The following NCAM2 variants were observed in gnomAD, a reference collection of about 807,000 sequenced individuals.
NCAM2 encodes the protein neural cell adhesion molecule 2, also known as N-CAM-2.
Under a neutral mutation model 98.1 loss-of-function variants are expected in NCAM2, and 30 were observed. The ratio of observed to expected loss-of-function variants is 0.31; its 90% CI spans 0.23 to 0.41. The LOEUF (loss-of-function observed/expected upper bound fraction) is 0.41, where lower values mean the gene tolerates loss of function less well. NCAM2 is among the 10% of genes least tolerant of loss of function. NCAM2 has a pLI of 1.00. For missense variants in NCAM2, 867 were observed against 1,005.8 expected, an observed-to-expected ratio of 0.86 and a Z score of 1.87; for synonymous variants, 368 against 342.4, an observed-to-expected ratio of 1.07 and a Z score of -0.83.
chr21:21,043,533 A>G (rs2064946021), intron 1 of NCAM2, among the ~76,000 whole-genome samples: 1 of 151,820 alleles, frequency 6.6e-6, no homozygotes, highest in Admixed American at 6.5e-5. Flanking sequence ...TTATTTTTGA[A>G]GAAATAATAT....
chr21:21,082,654 G>C (rs534020732), intron 1 of NCAM2, among the ~76,000 whole-genome samples: 1 of 152,276 alleles, frequency 6.6e-6, no homozygotes, highest in South Asian at 2.1e-4. Flanking sequence ...AGGGTACTTT[G>C]GAGGTAACCT....
At chr21:21,153,038 G>C (rs775786863) in intron 1 of NCAM2, among the ~76,000 whole-genome samples, 3 of 151,798 alleles carry the variant, frequency 2.0e-5, no homozygotes, top group African/African-American at 7.3e-5. Flanking sequence ...CCTTCTCTCA[G>C]GGATTAATAT....
chr21:21,094,050 A>G (rs2066067959), intron 1 of NCAM2, among the ~76,000 whole-genome samples: 1 of 151,954 alleles, frequency 6.6e-6, no homozygotes, highest in African/African-American at 2.4e-5. Context: ...GGATATGTTC[A>G]TGTCCATGAG....
rs369406135 is a variant in NCAM2 at position 21,330,113 on chromosome 21, C to G, written c.738-5392C>G. On this transcript the variant is annotated intron_variant, in intron 6 of 17. Transcript: ENST00000400546. ...GTCAGTGAATCTGCTTTTGGCTTCA[C>G]TTATTTCTTTTTTGTTTCCTATTCT... Among the ~76,000 whole-genome samples, 7 of 151,986 alleles carry G rather than the reference C, an allele frequency of 4.6e-5. No individual in the cohort carries two copies. In the South Asian group the frequency reaches 1.5e-3, roughly 31 times the overall value.
At chr21:21,227,845 T>G (rs1466662127) in intron 1 of NCAM2, among the ~76,000 whole-genome samples, 1 of 151,864 alleles carries the variant, frequency 6.6e-6, no homozygotes, top group Non-Finnish European at 1.5e-5. Context: ...GTTAAAGAGC[T>G]TTTGTGAGTA....
intron 1 of NCAM2, among the ~76,000 whole-genome samples, chr21:21,148,880 A>G (rs1369052423): frequency 1.3e-5 from 2 of 152,278 alleles, no homozygotes; most frequent in South Asian, 2.1e-4. Flanking sequence ...ATCTCATACC[A>G]TATTTACTAA....
At chr21:21,176,852 A>C (rs1051970494) in intron 1 of NCAM2, among the ~76,000 whole-genome samples, 1 of 152,032 alleles carries the variant, frequency 6.6e-6, no homozygotes, top group Middle Eastern at 3.4e-3. Flanking sequence ...TCAGGATTAT[A>C]GAACTGTTTG....
chr21:21,407,167 C>G (rs2826829), intron 9 of NCAM2, among the ~76,000 whole-genome samples: 33,902 of 152,146 alleles, frequency 0.22, 4,095 homozygotes, highest in East Asian at 0.29. Flanking sequence ...TCATACCACA[C>G]TGGCCCAGTA....
At chr21:21,516,227 G>T (rs760405970) in intron 16 of NCAM2, among the ~76,000 whole-genome samples, 1 of 152,182 alleles carries the variant, frequency 6.6e-6, no homozygotes, top group Non-Finnish European at 1.5e-5. Context: ...GGAGAGTAAG[G>T]TCTACAGTCT....
intron 1 of NCAM2, among the ~76,000 whole-genome samples, chr21:21,100,702 C>A (rs2066223245): frequency 1.3e-5 from 2 of 151,956 alleles, no homozygotes; most frequent in Non-Finnish European, 2.9e-5. Flanking sequence ...GTTGGCCTTT[C>A]ATTGTGCTTA....
At chr21:21,208,644 A>G (rs940523729) in intron 1 of NCAM2, among the ~76,000 whole-genome samples, 1 of 152,150 alleles carries the variant, frequency 6.6e-6, no homozygotes, top group Non-Finnish European at 1.5e-5. Context: ...AAAACTTGAA[A>G]TGTGGAACTG....
chr21:21,452,270 T>TGTGTATATG (rs1452943714), intron 12 of NCAM2, among the ~76,000 whole-genome samples: 2 of 150,542 alleles, frequency 1.3e-5, no homozygotes, highest in Middle Eastern at 3.2e-3. Flanking sequence ...TACATACATA[T>TGTGTATATG]TCTAACACAA....
rs1988563742 is a variant in NCAM2, at chr21:21,514,123, C to CCATATAAAT, written c.2282+5068_2282+5069insCATATAAAT. ...CAATTTATTATAAGTATACATAAACCTATATATGGTATAATTAAATTTATA... is the reference window on the plus strand; with the variant it reads ...CAATTTATTATAAGTATACATAAACCCATATAAATTATATATGGTATAATTAAATTTATA... On this transcript the variant is annotated intron_variant, in intron 16 of 17. Transcript: ENST00000400546. Among the ~76,000 whole-genome samples, 7 of 150,324 alleles carry CCATATAAAT rather than the reference C, an allele frequency of 4.7e-5. No homozygotes were observed. In the South Asian group the frequency reaches 1.5e-3, roughly 32 times the overall value.
intron 11 of NCAM2, among the ~76,000 whole-genome samples, chr21:21,431,656 G>T (rs2146026727): frequency 6.6e-6 from 1 of 151,976 alleles, no homozygotes; most frequent in East Asian, 1.9e-4. Flanking sequence ...ATATAATTGT[G>T]GTGAATGCAA....
intron 9 of NCAM2, among the ~76,000 whole-genome samples, chr21:21,391,338 C>T (rs1385475754): frequency 3.9e-5 from 6 of 151,998 alleles, no homozygotes. Context: ...TGTAGAATAG[C>T]TTAGAAAGCA....
chr21:21,176,939 C>T lies in NCAM2; in HGVS notation c.56-103639C>T, dbSNP rs551470036. Reference sequence around the variant, plus strand: ...AGTTGAAATCTCCTAACAGACATACCTATTATAACCAAAAATTACACCTAA... The same window carrying T: ...AGTTGAAATCTCCTAACAGACATACTTATTATAACCAAAAATTACACCTAA... On this transcript the variant is annotated intron_variant, in intron 1 of 17. Coordinates refer to ENST00000400546, the MANE Select transcript of NCAM2 (RefSeq NM_004540.5). 4.1e-4 allele frequency among the ~76,000 whole-genome samples: 62 copies of T among 151,688 alleles called. 1 individual carries two copies. The South Asian group carries it at 0.013, about 32-fold the overall frequency.
At chr21:21,403,775 T>A (rs1277863944) in intron 9 of NCAM2, among the ~76,000 whole-genome samples, 1 of 152,124 alleles carries the variant, frequency 6.6e-6, no homozygotes, top group Non-Finnish European at 1.5e-5. Flanking sequence ...TAAATATTAG[T>A]TTGAAATCAA....
At chr21:21,109,820 G>T (rs962901106) in intron 1 of NCAM2, among the ~76,000 whole-genome samples, 1 of 152,150 alleles carries the variant, frequency 6.6e-6, no homozygotes, top group African/African-American at 2.4e-5. Context: ...TTTGGCATGG[G>T]TTAACAACTC....
At chr21:21,439,931 A>G (rs1419049924) in intron 12 of NCAM2, among the ~76,000 whole-genome samples, 1 of 152,176 alleles carries the variant, frequency 6.6e-6, no homozygotes, top group Non-Finnish European at 1.5e-5. Context: ...AGTGAAAAAT[A>G]AGAGGAGGCT....
Sources: gnomAD v4.1 joint callset for allele counts (sites outside exome capture counted in the v4.1 genomes callset) on GRCh38, gnomAD v4.1.1 for gene constraint, MANE v1.5 for transcripts, NCBI Gene and HGNC (gene_info 2026-07-23, HGNC 2026-07-21) for gene names.